CCDC148: variants seen among roughly 807,000 people sequenced by gnomAD.
CCDC148 encodes coiled-coil domain containing 148.
CCDC148 carries 89 observed loss-of-function variants against 85.7 expected under a neutral mutation model. The ratio of observed to expected loss-of-function variants is 1.04; its 90% CI spans 0.87 to 1.24. CCDC148 has a LOEUF of 1.24. Among genes scored for constraint, CCDC148 ranks in the 50% most tolerant of loss-of-function variants. The probability of loss-of-function intolerance (pLI) is 0.00; values close to 1 mark genes in which losing one functional copy is unlikely to be tolerated. For missense variants in CCDC148, 692 were observed against 671.7 expected (o/e 1.03, Z -0.33); for synonymous variants, 230 against 213.9 (o/e 1.08, Z -0.66).
At chr2:158,232,334 G>A (rs1339653958) in intron 10 of CCDC148, among the ~76,000 whole-genome samples, 3 of 152,078 alleles carry the variant, frequency 2.0e-5, no homozygotes, top group Non-Finnish European at 4.4e-5. Context: ...CCAAAATAAT[G>A]TCATGCTATT....
At chr2:158,303,066 G>C (rs1200840887) in intron 9 of CCDC148, among the ~76,000 whole-genome samples, 1 of 152,074 alleles carries the variant, frequency 6.6e-6, no homozygotes, top group African/African-American at 2.4e-5. Context: ...CAGAGAAAGA[G>C]AGCACGAGAG....
intron 1 of CCDC148, among the ~76,000 whole-genome samples, chr2:158,453,171 A>G (rs2105351878): frequency 6.6e-6 from 1 of 152,352 alleles, no homozygotes; most frequent in East Asian, 1.9e-4. Context: ...GGACACAATC[A>G]TGATCATGAT....
intron 9 of CCDC148, among the ~76,000 whole-genome samples, chr2:158,285,842 T>C (rs1365914812): frequency 6.6e-6 from 1 of 152,030 alleles, no homozygotes; most frequent in East Asian, 1.9e-4. Flanking sequence ...AGCCAAAAGT[T>C]AACTTATTTA....
intron 7 of CCDC148, among the ~76,000 whole-genome samples, chr2:158,318,474 T>C (rs138911311): frequency 3.7e-4 from 56 of 152,300 alleles, no homozygotes; most frequent in Middle Eastern, 3.4e-3. Flanking sequence ...GATGAAAAGA[T>C]AGCAGGGTTC....
chr2:158,277,253 T>C (rs1436911443), intron 9 of CCDC148, among the ~76,000 whole-genome samples: 1 of 152,196 alleles, frequency 6.6e-6, no homozygotes, highest in African/African-American at 2.4e-5. Context: ...CAGTACAGTA[T>C]ACAACTTCAA....
chr2:158,276,201 C>T (rs1025535562), intron 9 of CCDC148, among the ~76,000 whole-genome samples: 8 of 151,966 alleles, frequency 5.3e-5, no homozygotes, highest in South Asian at 2.1e-4. Flanking sequence ...GAGGCAGAGG[C>T]GAGTGGATCA....
chr2:158,238,170 T>G (rs574440943), intron 10 of CCDC148, among the ~76,000 whole-genome samples: 2 of 151,918 alleles, frequency 1.3e-5, no homozygotes, highest in African/African-American at 4.8e-5. Context: ...AGTTTATAGA[T>G]GAAGGTCATA....
At position 158,434,920 on chromosome 2, in the gene CCDC148, T is replaced by C. The variant is rs1258778590; in HGVS notation, c.25+21495A>G. On this transcript the variant is annotated intron_variant, in intron 1 of 13. Coordinates refer to ENST00000283233, the MANE Select transcript of CCDC148 (RefSeq NM_138803.4). ...AATGAAATGAAGCGAGAAGAGAAGT[T>C]TACAGACAAAAGAGTAAAAAGAAAT... Among the ~76,000 whole-genome samples the C allele has an allele frequency of 2.0e-5, 3 of 152,066 alleles. No homozygotes were observed. In the East Asian group the frequency reaches 5.8e-4, roughly 29 times the overall value.
At chr2:158,426,034 C>T (rs1687062360) in intron 1 of CCDC148, among the ~76,000 whole-genome samples, 1 of 152,006 alleles carries the variant, frequency 6.6e-6, no homozygotes, top group African/African-American at 2.4e-5. Flanking sequence ...AAAAGCTTTA[C>T]ATGCAATTAT....
chr2:158,203,168 C>T (rs906078191), intron 11 of CCDC148, among the ~76,000 whole-genome samples: 1 of 152,164 alleles, frequency 6.6e-6, no homozygotes, highest in Non-Finnish European at 1.5e-5. Flanking sequence ...GTCTTATTTG[C>T]TCCCTTCTGC....
intron 8 of CCDC148, among the ~76,000 whole-genome samples, chr2:158,312,260 T>G (rs985061513): frequency 6.6e-6 from 1 of 152,162 alleles, no homozygotes; most frequent in Admixed American, 6.5e-5. Flanking sequence ...AAGCCAAAAA[T>G]ATACTTAACA....
chr2:158,281,058 A>C (rs1417987762), intron 9 of CCDC148, among the ~76,000 whole-genome samples: 1 of 152,222 alleles, frequency 6.6e-6, no homozygotes. Flanking sequence ...AGTCAGAAAT[A>C]AAGATGTTCT....
chr2:158,209,097 T>C (rs1003854492), intron 11 of CCDC148, among the ~76,000 whole-genome samples: 4 of 140,788 alleles, frequency 2.8e-5, no homozygotes, highest in African/African-American at 1.0e-4. Flanking sequence ...TGTGTATGTA[T>C]GTATATATAT....
intron 1 of CCDC148, among the ~76,000 whole-genome samples, chr2:158,360,707 GA>G (rs1683903632): frequency 6.6e-6 from 1 of 152,112 alleles, no homozygotes; most frequent in Non-Finnish European, 1.5e-5. Context: ...ATAAATCCAC[GA>G]AAATGGGGAG....
At chr2:158,345,433 T>A in intron 2 of CCDC148, 115 bp from the exon 3 acceptor site, 1 of 638,228 alleles carries the variant, frequency 1.6e-6, no homozygotes, top group South Asian at 2.3e-5. Flanking sequence ...TTAAAATTCT[T>A]ATTAGTGCAT....
intron 9 of CCDC148, among the ~76,000 whole-genome samples, chr2:158,286,818 TA>T (rs969304230): frequency 5.9e-5 from 9 of 151,594 alleles, no homozygotes; most frequent in African/African-American, 1.7e-4. Flanking sequence ...CTCATACCAT[TA>T]AAAAAAACAA....
chr2:158,334,521 T>A (rs1246203752), intron 7 of CCDC148, among the ~76,000 whole-genome samples: 2 of 152,146 alleles, frequency 1.3e-5, no homozygotes, highest in Admixed American at 6.6e-5. Context: ...TACTTCAAGA[T>A]TATTTATTTT....
intron 11 of CCDC148, among the ~76,000 whole-genome samples, chr2:158,218,439 T>C (rs565875213): frequency 9.9e-5 from 15 of 152,238 alleles, no homozygotes; most frequent in Non-Finnish European, 1.8e-4. Context: ...TAATGCAGAT[T>C]AATCTGATTT....
chr2:158,241,815 T>C (rs1024094211), intron 10 of CCDC148, among the ~76,000 whole-genome samples: 1 of 152,174 alleles, frequency 6.6e-6, no homozygotes, highest in African/African-American at 2.4e-5. Context: ...GCCATAGTAT[T>C]TTCTGAAAGG....
Sources: gnomAD v4.1 joint callset for allele counts (sites outside exome capture counted in the v4.1 genomes callset) on GRCh38, gnomAD v4.1.1 for gene constraint, MANE v1.5 for transcripts, NCBI Gene and HGNC (gene_info 2026-07-23, HGNC 2026-07-21) for gene names.